PKP2: variants seen among roughly 807,000 people sequenced by gnomAD.
PKP2 encodes plakophilin-2.
A neutral mutation model predicts 83.4 loss-of-function variants in PKP2; 73 were observed. The ratio of observed to expected loss-of-function variants is 0.88; its 90% CI spans 0.72 to 1.06. PKP2 has a LOEUF of 1.06. Ranked by LOEUF, PKP2 falls within the 50% of genes least tolerant of loss-of-function variation. The probability of loss-of-function intolerance (pLI) is 0.00; values close to 1 mark genes in which losing one functional copy is unlikely to be tolerated. For missense variants in PKP2, 966 were observed against 1,065.4 expected, an observed-to-expected ratio of 0.91 and a Z score of 1.30; for synonymous variants, 409 against 430.4, an observed-to-expected ratio of 0.95 and a Z score of 0.62.
rs564987195 is a variant in PKP2 at position 32,877,985 on chromosome 12, G to C, written c.895C>G (p.Arg299Gly). 1 of 1,614,024 alleles carries C rather than the reference G, an allele frequency of 6.2e-7. No homozygotes were observed. Among genetic ancestry groups the C allele is most frequent in the Non-Finnish European group, 8.5e-7 (1 of 1,180,026 alleles). Residue 299 changes from arginine to glycine, a missense_variant, in exon 3 of 13, where the codon CGC becomes GGC. Physicochemically the swap from Arg to Gly is moderately radical, Grantham distance 125. Transcript: ENST00000340811. ...SWHQSSFHST[R>G]TLREAGPSVA... ...CTGGGCCCAGCTTCCCTCAGCGTGC[G>C]GGTGCTGTGGAAGGAGCTCTGATGC...
chr12:32,831,839 T>C (rs1044765184), intron 6 of PKP2, among the ~76,000 whole-genome samples: 3 of 152,180 alleles, frequency 2.0e-5, no homozygotes, highest in African/African-American at 7.2e-5. Flanking sequence ...TGGTTGTAGA[T>C]GGGCTGCTTC....
intron 1 of PKP2, among the ~76,000 whole-genome samples, chr12:32,882,323 G>A (rs1040898828): frequency 5.3e-5 from 8 of 151,902 alleles, no homozygotes; most frequent in Non-Finnish European, 1.2e-4. Context: ...ATAATAAAAC[G>A]GCAGGTGATG....
intron 3 of PKP2, among the ~76,000 whole-genome samples, chr12:32,873,969 A>G (rs1956913839): frequency 1.3e-5 from 2 of 152,184 alleles, no homozygotes; most frequent in African/African-American, 4.8e-5. Context: ...GTGATTCTTA[A>G]AAACCTTTTT....
At chr12:32,827,269 T>C (rs1326394059) in intron 6 of PKP2, among the ~76,000 whole-genome samples, 2 of 152,242 alleles carry the variant, frequency 1.3e-5, no homozygotes, top group African/African-American at 2.4e-5. Flanking sequence ...ATGGGACTTA[T>C]CAGGGGTTTC....
At chr12:32,848,930 A>C (rs897109510) in intron 5 of PKP2, among the ~76,000 whole-genome samples, 1 of 151,682 alleles carries the variant, frequency 6.6e-6, no homozygotes, top group Non-Finnish European at 1.5e-5. Flanking sequence ...AATATATTCA[A>C]TTTACTTTAA....
Position 32,850,950 on chromosome 12 carries a change from G to C in PKP2, c.1194C>G (p.Leu398=). 2 of 1,614,088 alleles carry C rather than the reference G, an allele frequency of 1.2e-6. No individual in the cohort carries two copies. Among genetic ancestry groups the C allele is most frequent in the East Asian group, 4.5e-5 (2 of 44,886 alleles). The change falls in exon 5 of 13, where the codon CTC becomes CTG. Residue 398 remains leucine (L), a synonymous_variant. Transcript: ENST00000340811. The part of the protein sequence containing the change: ...RKRVNQLRGI[L]KLLQLLKVQN... ...GAACTTTTAGGAGCTGCAGAAGCTTGAGGATGCCACGAAGCTGGTTAACCT... is the reference window on the plus strand; with the variant it reads ...GAACTTTTAGGAGCTGCAGAAGCTTCAGGATGCCACGAAGCTGGTTAACCT...
chr12:32,838,265 A>G (rs996999931), intron 6 of PKP2, among the ~76,000 whole-genome samples: 1 of 152,206 alleles, frequency 6.6e-6, no homozygotes, highest in Non-Finnish European at 1.5e-5. Flanking sequence ...TAAAAATGGG[A>G]GCTAAACACT....
chr12:32,885,572 G>A (rs566402453), intron 1 of PKP2, among the ~76,000 whole-genome samples: 4 of 152,098 alleles, frequency 2.6e-5, no homozygotes, highest in East Asian at 3.9e-4. Flanking sequence ...AGCTACTTGG[G>A]GGCCGGGCTT....
At chr12:32,823,850 C>T (rs1956406399) in intron 7 of PKP2, among the ~76,000 whole-genome samples, 195 bp downstream of exon 7, 2 of 152,122 alleles carry the variant, frequency 1.3e-5, no homozygotes, top group South Asian at 2.1e-4. Flanking sequence ...ATCTGCCTGC[C>T]TCAGCCTCCC....
At chr12:32,822,755 C>A in intron 7 of PKP2, 124 bp from the exon 8 acceptor site, 4 of 1,028,472 alleles carry the variant, frequency 3.9e-6, no homozygotes, top group Non-Finnish European at 6.0e-6. Context: ...GCTTAAACTG[C>A]GGGTTGCCTG....
rs778860945 is a variant in PKP2, at chr12:32,791,952, A to G, written c.*472T>C. The stretch of plus-strand genomic sequence containing the variant: ...TATACTTTCTCCTGGATAACTGCAG[A>G]TATTTCTTGTCATTTCCATTCTGTT... On this transcript the variant is annotated 3_prime_UTR_variant, in exon 13 of 13. Transcript: ENST00000340811. 7 of 181,350 alleles carry G rather than the reference A, an allele frequency of 3.9e-5. No homozygotes were observed. The highest frequency in any genetic ancestry group is 5.8e-5 in the Non-Finnish European group (5 of 85,504). The allele number at this position is 181,350 out of a possible 1,614,324, so 11.2% of individuals were successfully genotyped here. A position where few individuals can be genotyped will look rare whatever the true frequency, so the allele number is the denominator to read the frequency against.
rs7961838 is a variant in PKP2 at position 32,802,136 on chromosome 12, T to C, written c.2167+267A>G. On this transcript the variant is annotated intron_variant, in intron 10 of 12. Transcript: ENST00000340811. Reference sequence around the variant, plus strand: ...TGAAAAATATCAACAATATTACTTATCTTGTTAATTATTAGTATGCTCTAA... The same window carrying C: ...TGAAAAATATCAACAATATTACTTACCTTGTTAATTATTAGTATGCTCTAA... Among the ~76,000 whole-genome samples, 748 of 152,244 alleles carry C rather than the reference T, an allele frequency of 4.9e-3. 10 individuals carry two copies. Among genetic ancestry groups the C allele is most frequent in the African/African-American group, 0.017 (703 of 41,544 alleles).
At chr12:32,883,389 G>A (rs558646969) in intron 1 of PKP2, among the ~76,000 whole-genome samples, 57 of 152,310 alleles carry the variant, frequency 3.7e-4, no homozygotes, top group Non-Finnish European at 5.9e-4. Context: ...TTTGGACTGA[G>A]TAAAATTTTT....
rs727504098 is a variant in PKP2, at chr12:32,841,132, C to T, written c.1452G>A (p.Thr484=). ...LMITEALLTL[T]ENIIIPFSGW... Reference sequence around the variant, plus strand: ...CAGAAAAGGGGATGATGATATTCTCCGTCAGCGTAAGCAATGCTTCTGTTA... The same window carrying T: ...CAGAAAAGGGGATGATGATATTCTCTGTCAGCGTAAGCAATGCTTCTGTTA... Residue 484 remains threonine (T), a synonymous_variant, in exon 6 of 13, where the codon ACG becomes ACA. Coordinates refer to ENST00000340811, the MANE Select transcript of PKP2 (RefSeq NM_001005242.3). The T allele has an allele frequency of 1.4e-5, 23 of 1,613,046 alleles. No homozygotes were observed. Among genetic ancestry groups the T allele is most frequent in the African/African-American group, 8.0e-5 (6 of 74,888 alleles).
chr12:32,892,380 T>G (rs771679919), intron 1 of PKP2, among the ~76,000 whole-genome samples: 1 of 151,544 alleles, frequency 6.6e-6, no homozygotes, highest in Non-Finnish European at 1.5e-5. Flanking sequence ...TGGCATGATC[T>G]TGGCTCACTG....
Position 32,868,921 on chromosome 12 carries a change from A to G in PKP2, c.1170+6T>C. On this transcript the variant is annotated splice_donor_region_variant and intron_variant, in intron 4 of 12. Coordinates refer to ENST00000340811, the MANE Select transcript of PKP2 (RefSeq NM_001005242.3). The stretch of plus-strand genomic sequence containing the variant: ...CGCTTTGCAATGGACTGAAGATGAC[A>G]CTCACCCTCTTCCGAGCTTCAGATT... 6.2e-7 allele frequency: 1 copy of G among 1,612,156 alleles called. No homozygotes were observed. Among genetic ancestry groups the G allele is most frequent in the Non-Finnish European group, 8.5e-7 (1 of 1,179,552 alleles).
chr12:32,824,336 A>C (rs1252373634), intron 6 of PKP2, 174 bp from the exon 7 acceptor site: 1 of 626,254 alleles, frequency 1.6e-6, no homozygotes, highest in Non-Finnish European at 2.9e-6. Context: ...ATCAACTATG[A>C]ACATACTTTC....
chr12:32,857,944 A>G (rs958882761), intron 4 of PKP2, among the ~76,000 whole-genome samples: 2 of 149,148 alleles, frequency 1.3e-5, no homozygotes, highest in African/African-American at 2.5e-5. Flanking sequence ...AACTGGGAAT[A>G]GGCCCTGGTG....
chr12:32,802,238 GC>G, intron 10 of PKP2, among the ~76,000 whole-genome samples, 164 bp downstream of exon 10: 1 of 151,798 alleles, frequency 6.6e-6, no homozygotes, highest in Non-Finnish European at 1.5e-5. Flanking sequence ...CACTGAGAAA[GC>G]CTGTTTGTGA....
Sources: allele counts gnomAD v4.1 joint callset (sites outside exome capture counted in the v4.1 genomes callset), GRCh38; gene constraint gnomAD v4.1.1; transcripts MANE v1.5; gene names NCBI Gene and HGNC (gene_info 2026-07-23, HGNC 2026-07-21).